The following ASCC3 variants were observed in gnomAD, a reference collection of about 807,000 sequenced individuals.
ASCC3 encodes the protein ASC-1 complex subunit P200.
In ASCC3, 158 loss-of-function variants were observed where a neutral mutation model predicts 256.3. That is an observed-to-expected ratio of 0.62 (90% CI 0.54 to 0.70). ASCC3 has a LOEUF of 0.70. Ranked by LOEUF, ASCC3 falls within the 30% of genes least tolerant of loss-of-function variation. The pLI, the probability that ASCC3 is intolerant of heterozygous loss-of-function variation, is 0.00. For synonymous variants in ASCC3, 948 were observed against 883.4 expected (o/e 1.07, Z -1.30); for missense variants, 2,259 against 2,626.0 (o/e 0.86, Z 3.05).
chr6:100,869,487 A>G (rs1773633585), intron 1 of ASCC3, among the ~76,000 whole-genome samples: 3 of 152,228 alleles, frequency 2.0e-5, no homozygotes, highest in African/African-American at 4.8e-5. Flanking sequence ...TACAAGTAGG[A>G]TGATTTGAAA....
In ASCC3 at chr6:100,690,301, C is replaced by G. The variant is rs185318520; in HGVS notation, c.2152-10549G>C. Among the ~76,000 whole-genome samples the G allele has an allele frequency of 1.7e-3, 253 of 152,126 alleles. 1 individual carries two copies. The highest frequency in any genetic ancestry group is 2.8e-3 in the Non-Finnish European group (187 of 67,964). On this transcript the variant is annotated intron_variant, in intron 13 of 41. Transcript: ENST00000369162. ...CGTGTCCAGTACAGATGCAACCATTCTTTTTTTCCTCAAATATTTTCCATG... is the reference window on the plus strand; with the variant it reads ...CGTGTCCAGTACAGATGCAACCATTGTTTTTTTCCTCAAATATTTTCCATG...
At chr6:100,719,528 C>G (rs1036235062) in intron 11 of ASCC3, among the ~76,000 whole-genome samples, 1 of 151,884 alleles carries the variant, frequency 6.6e-6, no homozygotes, top group Non-Finnish European at 1.5e-5. Flanking sequence ...CTGGCAAACA[C>G]CAGACATTTT....
chr6:100,789,656 C>A (rs1276611959), intron 8 of ASCC3, among the ~76,000 whole-genome samples: 1 of 151,896 alleles, frequency 6.6e-6, no homozygotes, highest in East Asian at 1.9e-4. Flanking sequence ...CTGTTAAAAA[C>A]GTATAAGTTT....
intron 3 of ASCC3, among the ~76,000 whole-genome samples, chr6:100,855,763 A>G (rs1772913219): frequency 6.6e-6 from 1 of 152,208 alleles, no homozygotes. Flanking sequence ...CATCTAAGTT[A>G]TAATAAAATT....
At chr6:100,510,762 C>T (rs866167632) in intron 40 of ASCC3, among the ~76,000 whole-genome samples, 4 of 152,078 alleles carry the variant, frequency 2.6e-5, no homozygotes, top group Non-Finnish European at 4.4e-5. Flanking sequence ...ATATAATGAT[C>T]GCACTTGAGG....
At chr6:100,672,338 T>C (rs239202) in intron 14 of ASCC3, among the ~76,000 whole-genome samples, 3,614 of 152,152 alleles carry the variant, frequency 0.024, 146 homozygotes, top group African/African-American at 0.082. Context: ...AGTCTACATA[T>C]AATATCTGGT....
intron 1 of ASCC3, among the ~76,000 whole-genome samples, chr6:100,877,135 G>T (rs534005683): frequency 6.6e-6 from 1 of 151,994 alleles, no homozygotes; most frequent in South Asian, 2.1e-4. Context: ...GTATTTTTTC[G>T]TTATAAAAAT....
In ASCC3 at chr6:100,631,349, A is replaced by T. The variant is rs1331269807; in HGVS notation, c.4123-136T>A. On this transcript the variant is annotated intron_variant, in intron 25 of 41. Transcript: ENST00000369162. ...GTATCTTTTAATTCTGAATACTCAA[A>T]TTTTTAAATCAACGGGAAAAAGTCA... 9 of 664,310 alleles carry T rather than the reference A, an allele frequency of 1.4e-5. No individual in the cohort carries two copies. The Admixed American group carries it at 2.4e-4, about 17-fold the overall frequency. 41.2% of individuals were successfully genotyped at this position (664,310 alleles called of 1,614,324 possible).
chr6:100,851,496 T>C (rs1377405047), intron 3 of ASCC3, among the ~76,000 whole-genome samples: 3 of 152,232 alleles, frequency 2.0e-5, no homozygotes, highest in African/African-American at 7.2e-5. Context: ...TATAAGCCCA[T>C]GTTTGAAGAG....
At chr6:100,781,322 C>T (rs1286903992) in intron 8 of ASCC3, among the ~76,000 whole-genome samples, 3 of 151,988 alleles carry the variant, frequency 2.0e-5, no homozygotes, top group South Asian at 2.1e-4. Flanking sequence ...CTGAAGTTGC[C>T]GCCTGTAAAA....
At chr6:100,635,920 A>C (rs926487992) in intron 25 of ASCC3, among the ~76,000 whole-genome samples, 1 of 152,172 alleles carries the variant, frequency 6.6e-6, no homozygotes, top group African/African-American at 2.4e-5. Context: ...TTTGATTATG[A>C]ATTACTTTGT....
intron 36 of ASCC3, among the ~76,000 whole-genome samples, chr6:100,548,908 A>ACATATCTATG (rs1769147352): frequency 6.6e-6 from 1 of 151,998 alleles, no homozygotes; most frequent in African/African-American, 2.4e-5. Context: ...ATGTATACAT[A>ACATATCTATG]CATATCTATG....
chr6:100,569,597 G>A (rs1290989758), intron 36 of ASCC3, among the ~76,000 whole-genome samples: 2 of 151,966 alleles, frequency 1.3e-5, no homozygotes, highest in Non-Finnish European at 2.9e-5. Context: ...TGTTAGCCAG[G>A]ATGGTCTCGA....
At chr6:100,623,672 C>T (rs1562175470) in intron 30 of ASCC3, among the ~76,000 whole-genome samples, 1 of 152,080 alleles carries the variant, frequency 6.6e-6, no homozygotes, top group African/African-American at 2.4e-5. Flanking sequence ...CAATTATCTA[C>T]TGATTTCATC....
intron 30 of ASCC3, among the ~76,000 whole-genome samples, chr6:100,624,229 G>A (rs1445088218): frequency 1.3e-5 from 2 of 151,494 alleles, no homozygotes; most frequent in African/African-American, 4.8e-5. Context: ...CATATATGAA[G>A]AAAAGTAATC....
chr6:100,518,087 G>C lies in ASCC3; in HGVS notation c.5831C>G (p.Thr1944Ser). 6.2e-7 allele frequency: 1 copy of C among 1,613,672 alleles called. No homozygotes were observed. Among genetic ancestry groups the C allele is most frequent in the Non-Finnish European group, 8.5e-7 (1 of 1,179,726 alleles). The change falls in exon 38 of 42, where the codon ACC (threonine) becomes AGC (serine). Residue 1944 changes from threonine to serine, a missense_variant. By Grantham distance (58) the Thr-to-Ser change is moderately conservative (BLOSUM62 1). Around this residue, in one of 2 missense-constraint regions of ASCC3, gnomAD observed 1,839 missense variants for 2,206.7 expected, o/e 0.83. Coordinates refer to ENST00000369162, the MANE Select transcript of ASCC3 (RefSeq NM_006828.4). ...CTGGATCACCATCTGAATCAGGTTG[G>C]TGATATTCAGGACAGTCACCAGCCA... is the stretch of plus-strand genomic sequence containing the variant. Reference protein sequence around the residue: ...QGWLVTVLNITNLIQMVIQGR... With the variant: ...QGWLVTVLNISNLIQMVIQGR...
chr6:100,602,381 T>C (rs532240673), intron 33 of ASCC3, among the ~76,000 whole-genome samples: 2 of 152,054 alleles, frequency 1.3e-5, no homozygotes, highest in Non-Finnish European at 2.9e-5. Context: ...TGTCACATGG[T>C]ATGTACTCAA....
At position 100,631,206 on chromosome 6, in the gene ASCC3, T is replaced by C. The variant is rs1168794311; in HGVS notation, c.4130A>G (p.Tyr1377Cys). 1.2e-6 allele frequency: 2 copies of C among 1,611,188 alleles called. No individual in the cohort carries two copies. Among genetic ancestry groups the C allele is most frequent in the East Asian group, 2.2e-5 (1 of 44,682 alleles). The change falls in exon 26 of 42, where the codon TAT becomes TGT. Residue 1377 changes from tyrosine (Y) to cysteine (C), a missense_variant. Tyr to Cys is a radical substitution (Grantham distance 194, BLOSUM62 -2). Around this residue, in one of 2 missense-constraint regions of ASCC3, gnomAD observed 1,839 missense variants for 2,206.7 expected, o/e 0.83. Transcript: ENST00000369162. The stretch of plus-strand genomic sequence containing the variant: ...TACTAGGGCTTTTAGGGGTGCAATA[T>C]ATACCGCCTAAAAAGGGGAGAATAG... ...FNKYPTSKAV[Y>C]IAPLKALVRE...
intron 8 of ASCC3, among the ~76,000 whole-genome samples, chr6:100,793,320 A>C (rs888551929): frequency 6.6e-6 from 1 of 152,014 alleles, no homozygotes; most frequent in Non-Finnish European, 1.5e-5. Flanking sequence ...AATACTTCAG[A>C]GTATGGATCC....
Sources: gnomAD v4.1 joint callset for allele counts (sites outside exome capture counted in the v4.1 genomes callset) on GRCh38, gnomAD v4.1.1 for gene constraint, gnomAD v4.1.1 regional missense constraint, MANE v1.5 for transcripts, NCBI Gene and HGNC (gene_info 2026-07-23, HGNC 2026-07-21) for gene names.